Variants in CDH6 observed in about 807,000 individuals in gnomAD.
The protein encoded by CDH6 is cadherin-6.
CDH6 carries 31 observed loss-of-function variants against 78.0 expected under a neutral mutation model. The observed-to-expected ratio is 0.40, with a 90% CI of 0.30 to 0.54. The LOEUF is 0.54. Among genes scored for constraint, CDH6 ranks in the 20% least tolerant of loss-of-function variants. CDH6 has a pLI of 0.56. For synonymous variants in CDH6, 376 were observed against 368.8 expected (o/e 1.02, Z -0.23); for missense variants, 724 against 975.9 (o/e 0.74, Z 3.44).
At chr5:31,205,857 G>A (rs955274883) in intron 1 of CDH6, among the ~76,000 whole-genome samples, 16 of 152,058 alleles carry the variant, frequency 1.1e-4, no homozygotes, top group Admixed American at 5.9e-4. Context: ...AAAACCTAAC[G>A]CTTAGCACTT....
At chr5:31,216,258 A>G (rs1350803194) in intron 1 of CDH6, among the ~76,000 whole-genome samples, 1 of 152,082 alleles carries the variant, frequency 6.6e-6, no homozygotes, top group Non-Finnish European at 1.5e-5. Flanking sequence ...ATTACTGTAC[A>G]TGCCTTGAGG....
chr5:31,214,869 A>G (rs1359688636), intron 1 of CDH6, among the ~76,000 whole-genome samples: 2 of 152,204 alleles, frequency 1.3e-5, no homozygotes, highest in African/African-American at 4.8e-5. Flanking sequence ...CTGAGATCCA[A>G]TGGAAATGGA....
intron 1 of CDH6, among the ~76,000 whole-genome samples, chr5:31,221,362 C>T (rs376834037): frequency 2.0e-5 from 3 of 152,192 alleles, no homozygotes; most frequent in African/African-American, 7.2e-5. Flanking sequence ...AACTCACATA[C>T]ATTTCAGTCA....
In CDH6 at chr5:31,228,193, T is replaced by A. The variant is rs1006334249; in HGVS notation, c.-129+34307T>A. Among the ~76,000 whole-genome samples, 3 of 152,200 alleles carry A rather than the reference T, an allele frequency of 2.0e-5. No individual in the cohort carries two copies. The South Asian group carries it at 6.2e-4, about 32-fold the overall frequency. ...ATCTTCTCTGACCCACCTGCCTCCC[T>A]CTTTTAAGGTCTAAGGACCTTTGTG... On this transcript the variant is annotated intron_variant, in intron 1 of 11. Transcript: ENST00000265071.
chr5:31,302,838 AAG>A (rs1222669435), intron 6 of CDH6, among the ~76,000 whole-genome samples: 6 of 144,174 alleles, frequency 4.2e-5, no homozygotes, highest in Non-Finnish European at 9.2e-5. Context: ...GAAAGAAAGA[AAG>A]AAAGAAAGAA....
At chr5:31,305,448 T>C in intron 7 of CDH6, 21 bp downstream of exon 7, 2 of 1,597,482 alleles carry the variant, frequency 1.3e-6, no homozygotes, top group Non-Finnish European at 1.7e-6. Flanking sequence ...TTCTGCGACA[T>C]GTCTCTTTCA....
At chr5:31,271,784 C>G (rs1218829864) in intron 2 of CDH6, among the ~76,000 whole-genome samples, 1 of 152,060 alleles carries the variant, frequency 6.6e-6, no homozygotes, top group Non-Finnish European at 1.5e-5. Context: ...GTCTCGGGCC[C>G]CACCTCCAAT....
intron 1 of CDH6, among the ~76,000 whole-genome samples, chr5:31,194,170 G>A (rs550404415): frequency 6.6e-6 from 1 of 152,090 alleles, no homozygotes; most frequent in Non-Finnish European, 1.5e-5. Flanking sequence ...GGGGCTGGGT[G>A]GGGGCACCGG....
At chr5:31,318,134 G>T in intron 11 of CDH6, 1 of 623,796 alleles carries the variant, frequency 1.6e-6, no homozygotes. Flanking sequence ...ACTTGCTCGT[G>T]TCTTTGCTTG....
intron 8 of CDH6, among the ~76,000 whole-genome samples, chr5:31,314,434 T>G (rs1215757175): frequency 6.6e-6 from 1 of 151,674 alleles, no homozygotes; most frequent in Non-Finnish European, 1.5e-5. Flanking sequence ...ACTTTGGGTA[T>G]CTAGTGTGAA....
chr5:31,313,233 T>G, intron 7 of CDH6, 85 bp from the exon 8 acceptor site: 1 of 1,224,280 alleles, frequency 8.2e-7, no homozygotes, highest in Non-Finnish European at 1.2e-6. Flanking sequence ...GGATATGATG[T>G]GTACCAGATG....
intron 1 of CDH6, among the ~76,000 whole-genome samples, chr5:31,235,009 G>A (rs892696192): frequency 6.6e-6 from 1 of 152,098 alleles, no homozygotes; most frequent in Non-Finnish European, 1.5e-5. Context: ...GGGTGAGGGA[G>A]TTTGCCATAC....
intron 2 of CDH6, among the ~76,000 whole-genome samples, chr5:31,281,994 T>C (rs1288516775): frequency 2.0e-5 from 3 of 152,262 alleles, no homozygotes; most frequent in Middle Eastern, 3.4e-3. Flanking sequence ...ACACCAACCA[T>C]TTTTGCAGTA....
At chr5:31,253,870 A>T (rs1741979763) in intron 1 of CDH6, among the ~76,000 whole-genome samples, 1 of 151,884 alleles carries the variant, frequency 6.6e-6, no homozygotes, top group South Asian at 2.1e-4. Flanking sequence ...GTTAATATTG[A>T]CTAACTTTTC....
chr5:31,193,923 C>CT (rs879061067), intron 1 of CDH6, 37 bp downstream of exon 1: 6,369 of 145,096 alleles, frequency 0.044, 162 homozygotes, highest in African/African-American at 0.071. Flanking sequence ...ATACATCTCC[C>CT]TTTTTTTTTT....
chr5:31,199,641 TTGTGTGTGTGTGTA>T (rs1420329330), intron 1 of CDH6, among the ~76,000 whole-genome samples: 4 of 128,102 alleles, frequency 3.1e-5, no homozygotes, highest in African/African-American at 8.6e-5. Context: ...ATATATACGT[TTGTGTGTGTGTGTA>T]TGTGTGTGTG....
Position 31,305,243 on chromosome 5 carries a change from C to T in CDH6, c.1069C>T (p.Arg357Ter). ...VEASNPYVEPRFLYLGPFKDS... is the reference protein window; with the variant it reads ...VEASNPYVEP ...AGCCTCCAATCCTTATGTTGAGCCACGATTTCTCTACTTGGGGCCTTTCAA... is the reference window on the plus strand; with the variant it reads ...AGCCTCCAATCCTTATGTTGAGCCATGATTTCTCTACTTGGGGCCTTTCAA... The change falls in exon 7 of 12, where the codon CGA becomes TGA. Residue 357 changes from arginine to a stop codon, truncating the protein, a stop_gained. Coordinates refer to ENST00000265071, the MANE Select transcript of CDH6 (RefSeq NM_004932.4). LOFTEE classifies it high-confidence loss of function. 2.5e-6 allele frequency: 4 copies of T among 1,614,024 alleles called. No individual in the cohort carries two copies. Among genetic ancestry groups the T allele is most frequent in the African/African-American group, 1.3e-5 (1 of 75,006 alleles).
At chr5:31,224,561 T>C (rs1741095331) in intron 1 of CDH6, among the ~76,000 whole-genome samples, 1 of 152,186 alleles carries the variant, frequency 6.6e-6, no homozygotes, top group South Asian at 2.1e-4. Flanking sequence ...TAGTGGGTTT[T>C]TGTTTGTCTG....
At chr5:31,250,015 T>C (rs553474152) in intron 1 of CDH6, 6 of 152,348 alleles carry the variant, frequency 3.9e-5, no homozygotes, top group Non-Finnish European at 5.9e-5. Flanking sequence ...GAATTTAGAA[T>C]ACAGATGTGG....
Sources: allele counts gnomAD v4.1 joint callset (sites outside exome capture counted in the v4.1 genomes callset), GRCh38; gene constraint gnomAD v4.1.1; transcripts MANE v1.5; gene names NCBI Gene and HGNC (gene_info 2026-07-23, HGNC 2026-07-21).